The following GANC variants were observed in gnomAD, a reference collection of about 807,000 sequenced individuals.
GANC encodes the protein glucosidase alpha, neutral C.
Under a neutral mutation model 124.2 loss-of-function variants are expected in GANC, and 117 were observed. The ratio of observed to expected loss-of-function variants is 0.94; its 90% confidence interval spans 0.81 to 1.10. The LOEUF (loss-of-function observed/expected upper bound fraction) is 1.10, where lower values mean the gene tolerates loss of function less well. Ranked by LOEUF, GANC falls within the 50% of genes least tolerant of loss-of-function variation. The pLI is 0.00. For missense variants in GANC, 1,140 were observed against 1,095.0 expected (o/e 1.04, Z -0.58); for synonymous variants, 377 against 376.8 (o/e 1.00, Z -0.01).
rs752545157 is a variant in GANC, at chr15:42,297,601, G to A, written c.513-10G>A. 2.1e-5 allele frequency: 33 copies of A among 1,609,620 alleles called. No individual in the cohort carries two copies. Among genetic ancestry groups the A allele is most frequent in the African/African-American group, 1.6e-4 (12 of 74,764 alleles). On this transcript the variant is annotated splice_polypyrimidine_tract_variant and intron_variant, in intron 5 of 23. Transcript: ENST00000318010. ...CATTGAGTGAAACAACTTTATTTAC[G>A]TTAAAACAGAGCTGCTAAAGAAAAT... is the stretch of plus-strand genomic sequence containing the variant.
chr15:42,325,552 C>G (rs993535457), intron 11 of GANC, among the ~76,000 whole-genome samples: 36 of 152,060 alleles, frequency 2.4e-4, no homozygotes, highest in African/African-American at 8.5e-4. Context: ...ACATGTTATT[C>G]TCTTAGTTTC....
At chr15:42,284,610 C>G (rs78171663) in intron 3 of GANC, among the ~76,000 whole-genome samples, 1 of 152,182 alleles carries the variant, frequency 6.6e-6, no homozygotes, top group Non-Finnish European at 1.5e-5. Flanking sequence ...CTCAGCTTCT[C>G]TGTGTAATTG....
At position 42,274,321 on chromosome 15, in the gene GANC, G is replaced by T; in HGVS notation, c.-161G>T. On this transcript the variant is annotated 5_prime_UTR_variant, in exon 1 of 24. Transcript: ENST00000318010. Reference sequence around the variant, plus strand: ...GAAAAATTCCAGGAGCAAGAGTCAAGATTTGTCACTCCATGAGAATCTGGA... The same window carrying T: ...GAAAAATTCCAGGAGCAAGAGTCAATATTTGTCACTCCATGAGAATCTGGA... 1.4e-6 allele frequency: 1 copy of T among 702,732 alleles called. No individual in the cohort carries two copies. Among genetic ancestry groups the T allele is most frequent in the Admixed American group, 3.0e-5 (1 of 33,138 alleles). The allele number at this position is 702,732 out of a possible 1,614,324, so 43.5% of individuals were successfully genotyped here.
chr15:42,338,973 A>G (rs16973089), intron 16 of GANC, among the ~76,000 whole-genome samples: 14,755 of 152,194 alleles, frequency 0.097, 834 homozygotes, highest in South Asian at 0.18. Context: ...AAGATTTTCC[A>G]ATGGACTATC....
At chr15:42,284,378 T>A (rs12939) in intron 3 of GANC, 3,152 of 183,436 alleles carry the variant, frequency 0.017, 113 homozygotes, top group African/African-American at 0.07. Flanking sequence ...TCTGGTATTT[T>A]CGCCTATATG....
intron 10 of GANC, chr15:42,314,166 G>C: frequency 1.3e-6 from 1 of 761,970 alleles, no homozygotes; most frequent in Non-Finnish European, 2.4e-6. Flanking sequence ...ATTCAGATTG[G>C]ATATGGGATT....
intron 18 of GANC, 88 bp from the exon 19 acceptor site, chr15:42,342,990 C>G (rs1352616800): frequency 1.8e-6 from 2 of 1,092,546 alleles, no homozygotes; most frequent in Non-Finnish European, 2.8e-6. Context: ...GTCTGTAACA[C>G]CATGATAGCT....
chr15:42,326,471 A>G, intron 12 of GANC, 47 bp downstream of exon 12: 1 of 1,611,888 alleles, frequency 6.2e-7, no homozygotes, highest in Non-Finnish European at 8.5e-7. Context: ...GTTCTGTCCC[A>G]ATTAATGAAG....
chr15:42,291,837 C>T (rs572388396), intron 4 of GANC, among the ~76,000 whole-genome samples: 1 of 152,252 alleles, frequency 6.6e-6, no homozygotes, highest in East Asian at 1.9e-4. Context: ...TTAATGGAAT[C>T]ATCAAAAGAA....
chr15:42,317,851 C>T (rs913401646), intron 10 of GANC, among the ~76,000 whole-genome samples: 5 of 152,136 alleles, frequency 3.3e-5, no homozygotes, highest in Non-Finnish European at 5.9e-5. Flanking sequence ...AGTGAGAATG[C>T]TGGTTTATGA....
chr15:42,279,826 G>C (rs1456608050), intron 3 of GANC, among the ~76,000 whole-genome samples: 3 of 152,130 alleles, frequency 2.0e-5, no homozygotes, highest in African/African-American at 7.2e-5. Context: ...GCTGACGTTC[G>C]TGGCAAAGCT....
intron 13 of GANC, among the ~76,000 whole-genome samples, chr15:42,328,344 A>G (rs934439159): frequency 1.3e-5 from 2 of 152,160 alleles, no homozygotes; most frequent in East Asian, 3.8e-4. Flanking sequence ...AAGAGACCTC[A>G]TGGCCTGCAA....
intron 15 of GANC, among the ~76,000 whole-genome samples, chr15:42,334,808 G>C (rs2052271800): frequency 6.6e-6 from 1 of 151,444 alleles, no homozygotes; most frequent in Admixed American, 6.6e-5. Context: ...GACTAATAAA[G>C]AAGAAAAGAG....
chr15:42,344,058 A>G (rs1018096679), intron 19 of GANC, among the ~76,000 whole-genome samples: 1 of 152,200 alleles, frequency 6.6e-6, no homozygotes, highest in Admixed American at 6.5e-5. Flanking sequence ...GCTGCTCAGT[A>G]CTGTCAGGTG....
chr15:42,310,494 C>G (rs2052040252), intron 9 of GANC, 31 bp downstream of exon 9: 1 of 1,555,444 alleles, frequency 6.4e-7, no homozygotes, highest in African/African-American at 1.4e-5. Context: ...ACATGTCATA[C>G]TTAAAGAAGA....
chr15:42,314,173 G>A (rs903574204), intron 10 of GANC: 2 of 761,670 alleles, frequency 2.6e-6, no homozygotes, highest in South Asian at 1.4e-5. Context: ...TTGGATATGG[G>A]ATTGGACAAG....
At chr15:42,293,855 C>A (rs899237369) in intron 5 of GANC, among the ~76,000 whole-genome samples, 9 of 151,586 alleles carry the variant, frequency 5.9e-5, no homozygotes, top group African/African-American at 2.2e-4. Context: ...TTGAAGCCAG[C>A]CTGGGCAACA....
chr15:42,289,844 G>C (rs1218877936), intron 4 of GANC, among the ~76,000 whole-genome samples: 1 of 152,150 alleles, frequency 6.6e-6, no homozygotes, highest in Admixed American at 6.5e-5. Context: ...AGTTAAAATG[G>C]GATGATTAGG....
intron 10 of GANC, among the ~76,000 whole-genome samples, chr15:42,319,095 A>G (rs569755017): frequency 1.3e-5 from 2 of 150,934 alleles, no homozygotes; most frequent in African/African-American, 2.4e-5. Flanking sequence ...TCTCAATTTT[A>G]TCTTCTAGGC....
Sources: allele counts gnomAD v4.1 joint callset (sites outside exome capture counted in the v4.1 genomes callset), GRCh38; gene constraint gnomAD v4.1.1; transcripts MANE v1.5; gene names NCBI Gene and HGNC (gene_info 2026-07-23, HGNC 2026-07-21).